JAZF1: variants seen among roughly 807,000 people sequenced by gnomAD.
The protein encoded by JAZF1 is juxtaposed with another zinc finger protein 1.
JAZF1 carries 8 observed loss-of-function variants against 26.4 expected under a neutral mutation model. The ratio of observed to expected loss-of-function variants is 0.30; its 90% CI spans 0.18 to 0.55. The LOEUF is 0.55. JAZF1 is among the 20% of genes least tolerant of loss of function. The pLI is 0.94. For synonymous variants in JAZF1, 126 were observed against 122.3 expected, an observed-to-expected ratio of 1.03 and a Z score of -0.20; for missense variants, 199 against 322.0, an observed-to-expected ratio of 0.62 and a Z score of 2.92.
intron 2 of JAZF1, among the ~76,000 whole-genome samples, chr7:27,919,423 T>A (rs1309792183): frequency 2.6e-5 from 4 of 152,158 alleles, no homozygotes; most frequent in African/African-American, 9.7e-5. Flanking sequence ...AAACCTGTGA[T>A]GAGAGTTAAA....
At chr7:28,179,309 G>T (rs533973833) in intron 1 of JAZF1, among the ~76,000 whole-genome samples, 2 of 152,250 alleles carry the variant, frequency 1.3e-5, no homozygotes, top group East Asian at 3.9e-4. Flanking sequence ...CCTTAGCAGG[G>T]GTTCCGAATA....
intron 1 of JAZF1, among the ~76,000 whole-genome samples, chr7:28,019,080 T>C (rs1374549970): frequency 6.6e-6 from 1 of 152,214 alleles, no homozygotes; most frequent in Admixed American, 6.5e-5. Context: ...TCAGTCATCC[T>C]TGTGGCTCCT....
chr7:27,938,119 T>C (rs916155485), intron 2 of JAZF1, among the ~76,000 whole-genome samples: 5 of 152,232 alleles, frequency 3.3e-5, no homozygotes, highest in African/African-American at 4.8e-5. Context: ...AACACTTTCA[T>C]GGTCAAATTC....
chr7:28,147,456 T>A (rs1783044819), intron 1 of JAZF1, among the ~76,000 whole-genome samples: 1 of 152,054 alleles, frequency 6.6e-6, no homozygotes. Flanking sequence ...CTTAACATAT[T>A]TCTTTCAGAT....
chr7:28,087,956 CT>C (rs1213733501), intron 1 of JAZF1, among the ~76,000 whole-genome samples: 1 of 152,152 alleles, frequency 6.6e-6, no homozygotes, highest in African/African-American at 2.4e-5. Context: ...AAAGAGAAGG[CT>C]TTGACAAAGG....
chr7:27,894,393 T>C (rs188336901), intron 3 of JAZF1, among the ~76,000 whole-genome samples: 2 of 152,340 alleles, frequency 1.3e-5, no homozygotes, highest in East Asian at 1.9e-4. Context: ...TATTTTCTTT[T>C]AAACAACTGA....
intron 1 of JAZF1, among the ~76,000 whole-genome samples, chr7:28,083,035 T>G (rs1317977839): frequency 6.6e-6 from 1 of 152,230 alleles, no homozygotes; most frequent in Admixed American, 6.5e-5. Flanking sequence ...TCTCACCTCC[T>G]TTGCTTCTGC....
rs117185212 is a variant in JAZF1, at chr7:28,113,332, C to T, written c.115+67131G>A. ...CTAATGGCAAAGCCAGTTCTCCAACCCACGTGTCCCGACTCCTTTACCCAG... is the reference window on the plus strand; with the variant it reads ...CTAATGGCAAAGCCAGTTCTCCAACTCACGTGTCCCGACTCCTTTACCCAG... On this transcript the variant is annotated intron_variant, in intron 1 of 4. Coordinates refer to ENST00000283928, the MANE Select transcript of JAZF1 (RefSeq NM_175061.4). 3.2e-3 allele frequency among the ~76,000 whole-genome samples: 486 copies of T among 152,238 alleles called. 3 individuals carry two copies. The highest frequency in any genetic ancestry group is 0.01 in the Middle Eastern group (3 of 294).
chr7:28,039,120 G>GT (rs1279862559), intron 1 of JAZF1, among the ~76,000 whole-genome samples: 1 of 152,148 alleles, frequency 6.6e-6, no homozygotes, highest in Non-Finnish European at 1.5e-5. Flanking sequence ...CATATGGAAC[G>GT]TAAGCTCATA....
chr7:27,981,093 T>C lies in JAZF1; in HGVS notation c.188+10816A>G, dbSNP rs191869560. Among the ~76,000 whole-genome samples the C allele has an allele frequency of 4.7e-4, 72 of 152,336 alleles. 1 individual carries two copies. The highest frequency in any genetic ancestry group is 1.7e-3 in the African/African-American group (69 of 41,582). ...TAGGCAACCTTCCACTCAATCTTTC[T>C]CTTCACTTAAAAATCATTCGTAAAC... On this transcript the variant is annotated intron_variant, in intron 2 of 4. Transcript: ENST00000283928.
At chr7:27,944,308 AG>A (rs1784896416) in intron 2 of JAZF1, among the ~76,000 whole-genome samples, 2 of 152,246 alleles carry the variant, frequency 1.3e-5, no homozygotes, top group South Asian at 4.1e-4. Flanking sequence ...TGTGGCTCAA[AG>A]GCTGTGTCTA....
intron 3 of JAZF1, among the ~76,000 whole-genome samples, chr7:27,894,259 C>G (rs1326235683): frequency 3.9e-5 from 6 of 152,144 alleles, no homozygotes; most frequent in African/African-American, 1.4e-4. Context: ...TCTTGAAATC[C>G]TGGCCTCAGG....
intron 3 of JAZF1, chr7:27,844,257 C>T (rs1418872855): frequency 2.0e-5 from 3 of 152,222 alleles, no homozygotes; most frequent in African/African-American, 7.2e-5. Flanking sequence ...AAAGAAATAC[C>T]CTAAAACTAA....
chr7:28,117,495 C>A (rs1784765245), intron 1 of JAZF1, among the ~76,000 whole-genome samples: 1 of 152,128 alleles, frequency 6.6e-6, no homozygotes, highest in East Asian at 1.9e-4. Context: ...TGACACTGGT[C>A]ATCATATAAA....
chr7:28,126,021 G>T (rs557527360), intron 1 of JAZF1, among the ~76,000 whole-genome samples: 2 of 152,174 alleles, frequency 1.3e-5, no homozygotes, highest in South Asian at 4.1e-4. Context: ...CTACAAGACT[G>T]CCAAATAAGG....
chr7:27,940,511 C>T (rs539389390), intron 2 of JAZF1, among the ~76,000 whole-genome samples: 15 of 152,152 alleles, frequency 9.9e-5, no homozygotes, highest in Non-Finnish European at 2.1e-4. Flanking sequence ...TCACAGAGAA[C>T]GACTACAGGC....
chr7:27,858,748 TAAACATA>T (rs1472536950), intron 3 of JAZF1, among the ~76,000 whole-genome samples: 1 of 152,176 alleles, frequency 6.6e-6, no homozygotes, highest in Non-Finnish European at 1.5e-5. Flanking sequence ...ATTAAAGACT[TAAACATA>T]AAACATAAAA....
At chr7:28,085,724 G>A (rs75337469) in intron 1 of JAZF1, among the ~76,000 whole-genome samples, 3,123 of 152,298 alleles carry the variant, frequency 0.021, 64 homozygotes, top group South Asian at 0.08. Context: ...ATTAATCACA[G>A]AGCCATATTG....
chr7:27,965,410 T>G (rs1785256101), intron 2 of JAZF1, among the ~76,000 whole-genome samples: 1 of 152,232 alleles, frequency 6.6e-6, no homozygotes, highest in East Asian at 1.9e-4. Flanking sequence ...TCCTTATAGC[T>G]AATATTAACA....
Sources: gnomAD v4.1 joint callset for allele counts (sites outside exome capture counted in the v4.1 genomes callset) on GRCh38, gnomAD v4.1.1 for gene constraint, MANE v1.5 for transcripts, NCBI Gene and HGNC (gene_info 2026-07-23, HGNC 2026-07-21) for gene names.